Variants in COL21A1 observed in about 807,000 individuals in gnomAD.
COL21A1 encodes collagen type XXI alpha 1 chain, also known as collagen alpha-1(XXI) chain.
Under a neutral mutation model 137.9 loss-of-function variants are expected in COL21A1, and 149 were observed. That is an observed-to-expected ratio of 1.08 (90% CI 0.95 to 1.24). The LOEUF (loss-of-function observed/expected upper bound fraction) is 1.24, where lower values mean the gene tolerates loss of function less well. COL21A1 is among the 50% of genes most tolerant of loss of function. The pLI is 0.00. For missense variants in COL21A1, 1,167 were observed against 1,158.4 expected, an observed-to-expected ratio of 1.01 and a Z score of -0.11; for synonymous variants, 456 against 391.5, an observed-to-expected ratio of 1.16 and a Z score of -1.95.
At position 56,304,827 on chromosome 6, in the gene COL21A1, G is replaced by C. The variant is rs1213323245; in HGVS notation, c.-39+89144C>G. Among the ~76,000 whole-genome samples the C allele has an allele frequency of 2.0e-5, 3 of 151,956 alleles. No individual in the cohort carries two copies. The East Asian group carries it at 5.8e-4, about 29-fold the overall frequency. On this transcript the variant is annotated intron_variant, in intron 1 of 28. Coordinates refer to the COL21A1 transcript ENST00000370819. ...TCAGTTCTTTTAATTGTGATGTTAG[G>C]GTGTCCATTTTAGATCTTTCCTGCT...
At chr6:56,369,705 T>G (rs1766186604) in intron 1 of COL21A1, among the ~76,000 whole-genome samples, 1 of 152,188 alleles carries the variant, frequency 6.6e-6, no homozygotes, top group Non-Finnish European at 1.5e-5. Context: ...CATAGAAATA[T>G]GGGCAAAGGA....
intron 1 of COL21A1, among the ~76,000 whole-genome samples, chr6:56,237,774 T>C (rs958178601): frequency 6.6e-6 from 1 of 152,128 alleles, no homozygotes; most frequent in Non-Finnish European, 1.5e-5. Context: ...GCTCTAACTA[T>C]TCTACAGAGG....
chr6:56,321,091 A>G (rs1764854655), intron 1 of COL21A1, among the ~76,000 whole-genome samples: 1 of 152,196 alleles, frequency 6.6e-6, no homozygotes, highest in Non-Finnish European at 1.5e-5. Context: ...CAGAACTGCT[A>G]GAAATTGCAG....
At chr6:56,249,507 G>T (rs1009923201), upstream of COL21A1, among the ~76,000 whole-genome samples, 1 of 152,048 alleles carries the variant, frequency 6.6e-6, no homozygotes, top group Non-Finnish European at 1.5e-5. Context: ...GTGTTATATC[G>T]CTACAATGGA....
intron 1 of COL21A1, among the ~76,000 whole-genome samples, chr6:56,275,548 T>G (rs937188990): frequency 1.3e-5 from 2 of 151,860 alleles, no homozygotes; most frequent in African/African-American, 4.8e-5. Flanking sequence ...TAAAAATGGA[T>G]AAAAGACATG....
intron 1 of COL21A1, among the ~76,000 whole-genome samples, chr6:56,238,430 T>TAAAAAAAAAAAAAAAAAAAAAAAA (rs548005509): frequency 1.1e-5 from 1 of 91,538 alleles, no homozygotes; most frequent in Non-Finnish European, 2.3e-5. Context: ...GCAGTCTTCT[T>TAAAAAAAAAAAAAAAAAAAAAAAA]AAAAAAAAAA....
chr6:56,340,189 C>T lies in COL21A1; in HGVS notation c.-39+53782G>A, dbSNP rs116762980. Among the ~76,000 whole-genome samples the T allele has an allele frequency of 3.8e-4, 58 of 152,342 alleles. 1 individual carries two copies. Among genetic ancestry groups the T allele is most frequent in the African/African-American group, 1.2e-3 (49 of 41,570 alleles). On this transcript the variant is annotated intron_variant, in intron 1 of 28. Coordinates refer to the COL21A1 transcript ENST00000370819. ...TTCCTGAGCCCCACCTCACCCCTCC[C>T]GCTTCAGTGGCCTGTTCATCAGTCA... is the stretch of plus-strand genomic sequence containing the variant.
chr6:56,131,385 G>A (rs757020313), intron 12 of COL21A1, among the ~76,000 whole-genome samples: 10 of 151,080 alleles, frequency 6.6e-5, no homozygotes, highest in Non-Finnish European at 1.3e-4. Flanking sequence ...AATTGGCCAG[G>A]TTGCAAGTAG....
intron 1 of COL21A1, among the ~76,000 whole-genome samples, chr6:56,290,854 A>G (rs1764025735): frequency 6.6e-6 from 1 of 152,152 alleles, no homozygotes; most frequent in African/African-American, 2.4e-5. Context: ...ACCTCAAACC[A>G]ACTAAATCAA....
intron 12 of COL21A1, among the ~76,000 whole-genome samples, chr6:56,128,862 C>T (rs141686839): frequency 0.021 from 3,220 of 152,162 alleles, 73 homozygotes; most frequent in African/African-American, 0.051. Flanking sequence ...ACCCTGTTGG[C>T]CATGGTGGTC....
chr6:56,166,212 T>C (rs533412051), intron 7 of COL21A1, among the ~76,000 whole-genome samples: 1 of 151,696 alleles, frequency 6.6e-6, no homozygotes, highest in Non-Finnish European at 1.5e-5. Context: ...TACATTATTA[T>C]ATTGTTATAT....
At chr6:56,214,053 T>A (rs1430770026) in intron 1 of COL21A1, among the ~76,000 whole-genome samples, 1 of 152,144 alleles carries the variant, frequency 6.6e-6, no homozygotes, top group Admixed American at 6.6e-5. Flanking sequence ...AAAATGTCCC[T>A]TGGAGTTAAA....
At chr6:56,386,497 AC>A (rs1055715157) in intron 1 of COL21A1, among the ~76,000 whole-genome samples, 3 of 152,028 alleles carry the variant, frequency 2.0e-5, no homozygotes, top group African/African-American at 7.3e-5. Flanking sequence ...TTTTTAAGAA[AC>A]CCCCAAACTG....
At chr6:56,374,145 T>G (rs1444254219) in intron 1 of COL21A1, among the ~76,000 whole-genome samples, 1 of 152,236 alleles carries the variant, frequency 6.6e-6, no homozygotes, top group African/African-American at 2.4e-5. Context: ...ACTTTCTTTT[T>G]GGCACGACTT....
intron 19 of COL21A1, 32 bp from the exon 20 acceptor site, chr6:56,074,317 C>T (rs1767022390): frequency 7.0e-7 from 1 of 1,437,938 alleles, no homozygotes; most frequent in Non-Finnish European, 9.5e-7. Flanking sequence ...TCAAGAGTAA[C>T]TTAGAGAAGA....
At chr6:56,173,606 A>G (rs926241371) in intron 3 of COL21A1, among the ~76,000 whole-genome samples, 1 of 152,190 alleles carries the variant, frequency 6.6e-6, no homozygotes, top group Non-Finnish European at 1.5e-5. Flanking sequence ...ATAACAAGAG[A>G]CAAAGAAAGA....
intron 1 of COL21A1, among the ~76,000 whole-genome samples, chr6:56,297,257 G>A (rs534180156): frequency 2.0e-5 from 3 of 152,162 alleles, no homozygotes; most frequent in South Asian, 2.1e-4. Context: ...GTGAAAACTG[G>A]TTTCTATATT....
intron 1 of COL21A1, among the ~76,000 whole-genome samples, chr6:56,294,960 C>T (rs1385872263): frequency 6.6e-6 from 1 of 151,896 alleles, no homozygotes; most frequent in Non-Finnish European, 1.5e-5. Context: ...TCCAACTTCT[C>T]AATTTTTCTT....
intron 10 of COL21A1, among the ~76,000 whole-genome samples, chr6:56,149,634 C>G (rs1410827994): frequency 2.0e-5 from 3 of 152,176 alleles, no homozygotes; most frequent in African/African-American, 7.2e-5. Context: ...TCACCCAGTT[C>G]TATCTCCTCC....
Sources: gnomAD v4.1 joint callset for allele counts (sites outside exome capture counted in the v4.1 genomes callset) on GRCh38, gnomAD v4.1.1 for gene constraint, MANE v1.5 for transcripts, NCBI Gene and HGNC (gene_info 2026-07-23, HGNC 2026-07-21) for gene names.